GNA12: variants seen among roughly 807,000 people sequenced by gnomAD.
The protein encoded by GNA12 is guanine nucleotide-binding protein subunit alpha-12.
A neutral mutation model predicts 26.0 loss-of-function variants in GNA12; 9 were observed. That is an observed-to-expected ratio of 0.35 (90% confidence interval 0.21 to 0.60). GNA12 has a LOEUF of 0.60. Ranked by LOEUF, GNA12 falls within the 20% of genes least tolerant of loss-of-function variation. GNA12 has a pLI of 0.78. For missense variants in GNA12, 405 were observed against 525.8 expected (o/e 0.77, Z 2.25); for synonymous variants, 264 against 219.6 (o/e 1.20, Z -1.79).
rs537335707 is a variant in GNA12 at position 2,783,325 on chromosome 7, C to T, written c.525+11603G>A. Among the ~76,000 whole-genome samples, 214 of 152,304 alleles carry T rather than the reference C, an allele frequency of 1.4e-3. 2 individuals are homozygous for T. The highest frequency in any genetic ancestry group is 4.7e-3 in the African/African-American group (196 of 41,564). Reference sequence around the variant, plus strand: ...ATCGCACAGGGGTTGCCTGGACTGCCATGGTGCTAGGTATGTGGGTGACAG... The same window carrying T: ...ATCGCACAGGGGTTGCCTGGACTGCTATGGTGCTAGGTATGTGGGTGACAG... On this transcript the variant is annotated intron_variant, in intron 2 of 3. Transcript: ENST00000275364.
At chr7:2,804,344 GAC>G (rs1286947075) in intron 1 of GNA12, among the ~76,000 whole-genome samples, 1 of 152,206 alleles carries the variant, frequency 6.6e-6, no homozygotes, top group Non-Finnish European at 1.5e-5. Context: ...TTTTAGCAGA[GAC>G]AGCTATATAT....
At chr7:2,783,745 G>T (rs1406494838) in intron 2 of GNA12, among the ~76,000 whole-genome samples, 1 of 151,488 alleles carries the variant, frequency 6.6e-6, no homozygotes, top group Non-Finnish European at 1.5e-5. Flanking sequence ...AGTGCAGTGG[G>T]GCAATCTCGG....
intron 1 of GNA12, chr7:2,814,296 A>T (rs1793161496): frequency 1.4e-6 from 2 of 1,403,664 alleles, no homozygotes; most frequent in Admixed American, 1.7e-5. Flanking sequence ...GAGGAGTTGA[A>T]CGGAGTGAGA....
chr7:2,775,756 G>C (rs1321418891), intron 2 of GNA12, among the ~76,000 whole-genome samples: 1 of 152,218 alleles, frequency 6.6e-6, no homozygotes. Context: ...AGAGACCTCA[G>C]AGGCTCATCA....
chr7:2,756,443 T>C (rs1233748174), intron 2 of GNA12, among the ~76,000 whole-genome samples: 1 of 152,006 alleles, frequency 6.6e-6, no homozygotes, highest in African/African-American at 2.4e-5. Flanking sequence ...TGAGACCTCA[T>C]CTCTGCAAAA....
At chr7:2,818,727 C>T (rs1333790977) in intron 1 of GNA12, among the ~76,000 whole-genome samples, 1 of 150,454 alleles carries the variant, frequency 6.6e-6, no homozygotes, top group African/African-American at 2.5e-5. Context: ...CGCGCCACTA[C>T]ACTCCAGCGT....
intron 1 of GNA12, among the ~76,000 whole-genome samples, chr7:2,810,780 C>G (rs895294172): frequency 6.6e-6 from 1 of 152,126 alleles, no homozygotes; most frequent in Non-Finnish European, 1.5e-5. Context: ...TGCCTGTGAT[C>G]CCAGCTACGT....
At chr7:2,839,839 A>T (rs1747211206) in intron 1 of GNA12, among the ~76,000 whole-genome samples, 1 of 152,194 alleles carries the variant, frequency 6.6e-6, no homozygotes, top group African/African-American at 2.4e-5. Context: ...TCTCTACTAA[A>T]TACACAAAAA....
At chr7:2,742,070 A>G (rs1175191234) in intron 2 of GNA12, among the ~76,000 whole-genome samples, 5 of 151,504 alleles carry the variant, frequency 3.3e-5, no homozygotes, top group Admixed American at 6.6e-5. Flanking sequence ...TGCCCAGGCT[A>G]GAGTGCAGTG....
intron 2 of GNA12, among the ~76,000 whole-genome samples, chr7:2,739,761 C>T (rs1790406325): frequency 6.6e-6 from 1 of 152,142 alleles, no homozygotes. Flanking sequence ...GCAACCTCTG[C>T]CTCCTGGTTC....
At chr7:2,777,972 G>A (rs1792119764) in intron 2 of GNA12, among the ~76,000 whole-genome samples, 1 of 152,224 alleles carries the variant, frequency 6.6e-6, no homozygotes, top group South Asian at 2.1e-4. Flanking sequence ...TCCAACTTCA[G>A]AAGAGGAGGG....
chr7:2,743,891 G>A (rs961331746), intron 2 of GNA12, among the ~76,000 whole-genome samples: 1 of 152,040 alleles, frequency 6.6e-6, no homozygotes, highest in Non-Finnish European at 1.5e-5. Context: ...CTGGCTCGGA[G>A]GGTCCTACAC....
At chr7:2,739,813 A>T (rs1790408127) in intron 2 of GNA12, among the ~76,000 whole-genome samples, 1 of 152,148 alleles carries the variant, frequency 6.6e-6, no homozygotes. Flanking sequence ...GCTGGATTAC[A>T]GGCGTGCGCC....
At chr7:2,756,978 G>C (rs1442757038) in intron 2 of GNA12, among the ~76,000 whole-genome samples, 1 of 152,136 alleles carries the variant, frequency 6.6e-6, no homozygotes, top group African/African-American at 2.4e-5. Context: ...GGAGGCTGAA[G>C]TGGAAGGTTC....
Position 2,804,377 on chromosome 7 carries a change from GTAAACCCA to G in GNA12, c.310-9242_310-9235del, listed in dbSNP as rs532210665. On this transcript the variant is annotated intron_variant, in intron 1 of 3. Coordinates refer to ENST00000275364, the MANE Select transcript of GNA12 (RefSeq NM_007353.3). The stretch of plus-strand genomic sequence containing the variant: ...TATATAGACGGGTGTGTGTGTATGC[GTAAACCCA>G]TAAACCCATAAACACACACGCGTGT... Among the ~76,000 whole-genome samples, 145 of 152,228 alleles carry G rather than the reference GTAAACCCA, an allele frequency of 9.5e-4. 1 individual carries two copies. The highest frequency in any genetic ancestry group is 3.2e-3 in the African/African-American group (135 of 41,544).
At chr7:2,805,023 T>A (rs1003678099) in intron 1 of GNA12, among the ~76,000 whole-genome samples, 16 of 152,206 alleles carry the variant, frequency 1.1e-4, no homozygotes, top group African/African-American at 3.9e-4. Flanking sequence ...CCAGGCAGTG[T>A]TCTTTAGAAC....
chr7:2,760,358 C>T (rs1430854464), intron 2 of GNA12: 2 of 152,406 alleles, frequency 1.3e-5, no homozygotes, highest in South Asian at 4.1e-4. Context: ...ACCAGGGGGA[C>T]ACCAAGTCAG....
At chr7:2,832,570 G>A (rs1418033918) in intron 1 of GNA12, among the ~76,000 whole-genome samples, 1 of 152,110 alleles carries the variant, frequency 6.6e-6, no homozygotes, top group South Asian at 2.1e-4. Flanking sequence ...GTTTCTGTTC[G>A]GCTTGGCTTA....
intron 1 of GNA12, among the ~76,000 whole-genome samples, chr7:2,837,126 G>T (rs557616180): frequency 6.6e-6 from 1 of 151,952 alleles, no homozygotes; most frequent in South Asian, 2.1e-4. Context: ...GAAGAAGCAG[G>T]AGGTGCTCCA....
Sources: gnomAD v4.1 joint callset for allele counts (sites outside exome capture counted in the v4.1 genomes callset) on GRCh38, gnomAD v4.1.1 for gene constraint, MANE v1.5 for transcripts, NCBI Gene and HGNC (gene_info 2026-07-23, HGNC 2026-07-21) for gene names.